FNBP1: variants seen among roughly 807,000 people sequenced by gnomAD.
The protein encoded by FNBP1 is formin-binding protein 1.
A neutral mutation model predicts 90.6 loss-of-function variants in FNBP1; 26 were observed. The observed-to-expected ratio is 0.29, with a 90% CI of 0.21 to 0.40. The LOEUF is 0.40. FNBP1 is among the 10% of genes least tolerant of loss of function. The probability of loss-of-function intolerance (pLI) is 1.00; values close to 1 mark genes in which losing one functional copy is unlikely to be tolerated. For missense variants in FNBP1, 635 were observed against 768.0 expected, an observed-to-expected ratio of 0.83 and a Z score of 2.05; for synonymous variants, 260 against 265.2, an observed-to-expected ratio of 0.98 and a Z score of 0.19.
intron 6 of FNBP1, among the ~76,000 whole-genome samples, chr9:129,947,614 C>T (rs1361264613): frequency 6.6e-6 from 1 of 151,634 alleles, no homozygotes; most frequent in East Asian, 2.0e-4. Context: ...TTAGGAATCC[C>T]ACCAGTGAGT....
chr9:130,037,032 G>A (rs571507785), intron 1 of FNBP1, among the ~76,000 whole-genome samples: 50 of 125,742 alleles, frequency 4.0e-4, no homozygotes, highest in Non-Finnish European at 6.9e-4. Flanking sequence ...GCAACCCAGC[G>A]AGACTCCATC....
At chr9:130,007,239 CA>C (rs72063140) in intron 1 of FNBP1, among the ~76,000 whole-genome samples, 1,980 of 76,794 alleles carry the variant, frequency 0.026, 13 homozygotes, top group African/African-American at 0.095. Context: ...GAGATCCTGT[CA>C]AAAAAAAAAA....
intron 1 of FNBP1, among the ~76,000 whole-genome samples, chr9:130,006,543 G>A (rs2055731239): frequency 6.6e-6 from 1 of 151,798 alleles, no homozygotes; most frequent in Admixed American, 6.6e-5. Flanking sequence ...GGTGGCAGGC[G>A]CCTGTAATCC....
At chr9:130,045,626 G>A (rs13297243), upstream of FNBP1, among the ~76,000 whole-genome samples, 46,096 of 151,998 alleles carry the variant, frequency 0.3, 7,816 homozygotes, top group Non-Finnish European at 0.39. Flanking sequence ...AAAAGCTGCC[G>A]CAGAACTCTA....
At position 129,888,381 on chromosome 9, in the gene FNBP1, CG is replaced by C. The variant is rs2131128505; in HGVS notation, c.*2157del. On this transcript the variant is annotated 3_prime_UTR_variant, in exon 17 of 17. Transcript: ENST00000446176. ...TGAAGATCCCTGTCGTCCCCGTTGGCGGGGGAGCCCATTGTGGAGCTGTGGG... is the reference window on the plus strand; with the variant it reads ...TGAAGATCCCTGTCGTCCCCGTTGGCGGGGAGCCCATTGTGGAGCTGTGGG... 4 of 232,522 alleles carry C rather than the reference CG, an allele frequency of 1.7e-5. No individual in the cohort carries two copies. In the East Asian group the frequency reaches 1.8e-4, roughly 11 times the overall value. The allele number at this position is 232,522 out of a possible 1,614,324, so 14.4% of individuals were successfully genotyped here. A position where few individuals can be genotyped will look rare whatever the true frequency, so the allele number is the denominator to read the frequency against.
Position 129,957,219 on chromosome 9 carries a change from G to A in FNBP1, c.513+141C>T, listed in dbSNP as rs540175443. 1.5e-5 allele frequency: 9 copies of A among 608,434 alleles called. No homozygotes were observed. The highest frequency in any genetic ancestry group is 7.4e-5 in the African/African-American group (4 of 53,716). The allele number at this position is 608,434 out of a possible 1,614,324, so 37.7% of individuals were successfully genotyped here. ...CACTCAGCTAATTTTTGTGTTTTTC[G>A]TAGAGATGGGGTTTCACCATCTTGG... On this transcript the variant is annotated intron_variant, in intron 6 of 16. Transcript: ENST00000446176. This position sits in a 1 kb window ranked among gnomAD's most constrained non-coding sequence, Gnocchi z 4.3.
At chr9:129,919,319 G>A (rs1185537801) in intron 10 of FNBP1, 6 of 665,292 alleles carry the variant, frequency 9.0e-6, no homozygotes, top group Non-Finnish European at 1.4e-5. Flanking sequence ...CAAACAACTG[G>A]TAAGGATTTT....
At chr9:129,910,251 G>C (rs2038994252) in intron 11 of FNBP1, 1 of 454,662 alleles carries the variant, frequency 2.2e-6, no homozygotes, top group African/African-American at 2.0e-5. Context: ...GGGAGGCCGA[G>C]GTGGGTGGAT....
chr9:130,039,857 TGA>T (rs1442131511), intron 1 of FNBP1, among the ~76,000 whole-genome samples: 3 of 152,154 alleles, frequency 2.0e-5, no homozygotes, highest in African/African-American at 7.2e-5. Context: ...GATTTTAACC[TGA>T]AGTCCTAAAA....
chr9:130,008,601 G>A (rs1440857478), intron 1 of FNBP1, among the ~76,000 whole-genome samples: 1 of 152,148 alleles, frequency 6.6e-6, no homozygotes, highest in Admixed American at 6.6e-5. Flanking sequence ...TTTATTGTAA[G>A]CAAGAGGAGC....
intron 4 of FNBP1, among the ~76,000 whole-genome samples, chr9:129,967,346 T>C (rs1473451789): frequency 6.6e-6 from 1 of 152,096 alleles, no homozygotes; most frequent in Non-Finnish European, 1.5e-5. Flanking sequence ...CAAAATCCCG[T>C]CTCTATTAAA....
rs2059781803 is a variant in FNBP1 at position 130,041,056 on chromosome 9, T to A, written c.24+1896A>T. On this transcript the variant is annotated intron_variant, in intron 1 of 16. Coordinates refer to ENST00000446176, the MANE Select transcript of FNBP1 (RefSeq NM_015033.3). This position sits in a 1 kb window ranked among gnomAD's most constrained non-coding sequence, Gnocchi z 4.3. ...CTCCAGATATTCCCCAAGCTGTTCTTGAACTCCTGGGCCCAAAAGATCCTC... is the reference window on the plus strand; with the variant it reads ...CTCCAGATATTCCCCAAGCTGTTCTAGAACTCCTGGGCCCAAAAGATCCTC... Among the ~76,000 whole-genome samples the A allele has an allele frequency of 1.3e-5, 2 of 151,484 alleles. No individual in the cohort carries two copies. The highest frequency in any genetic ancestry group is 6.6e-5 in the Admixed American group (1 of 15,172).
intron 6 of FNBP1, among the ~76,000 whole-genome samples, chr9:129,937,200 C>T (rs752529972): frequency 3.8e-4 from 58 of 151,514 alleles, no homozygotes; most frequent in Non-Finnish European, 6.8e-4. Context: ...AGGAATCAAA[C>T]GAATTTTACT....
intron 12 of FNBP1, among the ~76,000 whole-genome samples, chr9:129,906,118 G>A (rs1342697548): frequency 2.0e-5 from 3 of 151,806 alleles, no homozygotes; most frequent in Non-Finnish European, 4.4e-5. Flanking sequence ...CCCGACCTCA[G>A]GTGATCTGCC....
chr9:130,010,509 C>T (rs575002449), intron 1 of FNBP1, among the ~76,000 whole-genome samples: 2 of 152,236 alleles, frequency 1.3e-5, no homozygotes, highest in Non-Finnish European at 2.9e-5. Context: ...CTGCCTGCCT[C>T]GGCCTCCCAA....
chr9:129,987,082 T>C (rs2052392271), intron 2 of FNBP1, among the ~76,000 whole-genome samples: 3 of 152,064 alleles, frequency 2.0e-5, no homozygotes, highest in Admixed American at 6.6e-5. Flanking sequence ...CCATGTTGCC[T>C]ACAGAGAGAA....
At chr9:129,958,914 T>C (rs538517857) in intron 4 of FNBP1, among the ~76,000 whole-genome samples, 201 of 129,102 alleles carry the variant, frequency 1.6e-3, no homozygotes, top group African/African-American at 5.5e-3. Context: ...TCCAGGGAGG[T>C]TGACACTGCC....
chr9:129,909,029 GA>G, intron 11 of FNBP1, 30 bp from the exon 12 acceptor site: 1 of 1,503,822 alleles, frequency 6.6e-7, no homozygotes, highest in South Asian at 1.1e-5. Context: ...TGAGAAACCA[GA>G]AAGCCCCAGG....
At chr9:130,004,050 T>G (rs2055285165) in intron 1 of FNBP1, among the ~76,000 whole-genome samples, 1 of 151,674 alleles carries the variant, frequency 6.6e-6, no homozygotes, top group African/African-American at 2.4e-5. Flanking sequence ...CACAAGGAAG[T>G]TTTCCTCCAA....
Sources: allele counts gnomAD v4.1 joint callset (sites outside exome capture counted in the v4.1 genomes callset), GRCh38; gene constraint gnomAD v4.1.1; non-coding constraint Gnocchi (gnomAD v3.1); transcripts MANE v1.5; gene names NCBI Gene and HGNC (gene_info 2026-07-23, HGNC 2026-07-21).